CDH13: variants seen among roughly 807,000 people sequenced by gnomAD.
CDH13 encodes cadherin 13.
CDH13 carries 24 observed loss-of-function variants against 63.8 expected under a neutral mutation model. The ratio of observed to expected loss-of-function variants is 0.38; its 90% CI spans 0.27 to 0.53. CDH13 has a LOEUF of 0.53. CDH13 is among the 20% of genes least tolerant of loss of function. The probability of loss-of-function intolerance (pLI) is 0.85; values close to 1 mark genes in which losing one functional copy is unlikely to be tolerated. For synonymous variants in CDH13, 503 were observed against 355.3 expected (o/e 1.42, Z -4.67); for missense variants, 1,049 against 903.1 (o/e 1.16, Z -2.07).
At chr16:83,541,801 A>G (rs2075300079) in intron 7 of CDH13, among the ~76,000 whole-genome samples, 1 of 152,250 alleles carries the variant, frequency 6.6e-6, no homozygotes, top group Admixed American at 6.5e-5. Flanking sequence ...GCTCTACCAC[A>G]TCAGGTTTCT....
intron 11 of CDH13, among the ~76,000 whole-genome samples, chr16:83,765,343 A>AAACCC (rs1205121493): frequency 6.6e-6 from 1 of 152,232 alleles, no homozygotes; most frequent in Non-Finnish European, 1.5e-5. Flanking sequence ...AATGGAAAAA[A>AAACCC]AAACCAAAAA....
intron 4 of CDH13, among the ~76,000 whole-genome samples, chr16:83,177,071 T>C (rs2151738082): frequency 6.6e-6 from 1 of 152,312 alleles, no homozygotes; most frequent in Middle Eastern, 3.4e-3. Context: ...TGACCACATC[T>C]GGCTGCTGAG....
rs145861943 is a variant in CDH13 at position 83,408,433 on chromosome 16, T to C, written c.781+63427T>C. Among the ~76,000 whole-genome samples, 434 of 152,342 alleles carry C rather than the reference T, an allele frequency of 2.8e-3. 3 individuals carry two copies. Among genetic ancestry groups the C allele is most frequent in the African/African-American group, 1.0e-2 (414 of 41,588 alleles). On this transcript the variant is annotated intron_variant, in intron 6 of 13. Coordinates refer to ENST00000567109, the MANE Select transcript of CDH13 (RefSeq NM_001257.5). ...TGCTACATGCCTATCCTGTATGACATTGCCTCTTGCGCCTAGGCTACAAAC... is the reference window on the plus strand; with the variant it reads ...TGCTACATGCCTATCCTGTATGACACTGCCTCTTGCGCCTAGGCTACAAAC...
chr16:83,070,495 A>G (rs1252473412), intron 3 of CDH13, among the ~76,000 whole-genome samples: 6 of 152,180 alleles, frequency 3.9e-5, no homozygotes, highest in African/African-American at 1.4e-4. Flanking sequence ...TGTTTTTATG[A>G]TCTGTAGTTT....
intron 2 of CDH13, among the ~76,000 whole-genome samples, chr16:83,014,828 T>TTTTATATATATA (rs1914583555): frequency 1.1e-5 from 1 of 87,814 alleles, no homozygotes; most frequent in South Asian, 3.2e-4. Flanking sequence ...ATATATATAT[T>TTTTATATATATA]TGTATATATA....
At chr16:83,388,064 G>C (rs1380252239) in intron 6 of CDH13, among the ~76,000 whole-genome samples, 1 of 152,092 alleles carries the variant, frequency 6.6e-6, no homozygotes, top group Non-Finnish European at 1.5e-5. Context: ...TACTCTGACA[G>C]AGACCAAGAA....
intron 2 of CDH13, among the ~76,000 whole-genome samples, chr16:82,998,028 G>C (rs1214131426): frequency 6.6e-6 from 1 of 152,188 alleles, no homozygotes; most frequent in Non-Finnish European, 1.5e-5. Flanking sequence ...GAGAATCTCA[G>C]AGTTGAGCAC....
intron 4 of CDH13, among the ~76,000 whole-genome samples, chr16:83,176,881 C>G (rs1315890407): frequency 6.6e-6 from 1 of 152,104 alleles, no homozygotes; most frequent in Non-Finnish European, 1.5e-5. Context: ...TTACCTTCCT[C>G]TCCCATCAGC....
chr16:82,902,420 G>C (rs1165975071), intron 2 of CDH13, among the ~76,000 whole-genome samples: 1 of 151,698 alleles, frequency 6.6e-6, no homozygotes, highest in Non-Finnish European at 1.5e-5. Context: ...CATTAGTTGA[G>C]GATCATTTTG....
intron 2 of CDH13, among the ~76,000 whole-genome samples, chr16:82,977,879 G>A (rs1909741069): frequency 6.6e-6 from 1 of 152,204 alleles, no homozygotes; most frequent in South Asian, 2.1e-4. Flanking sequence ...TCAGAAGACA[G>A]GAAGATGTGG....
intron 1 of CDH13, among the ~76,000 whole-genome samples, chr16:82,740,722 A>G (rs1158726383): frequency 1.3e-5 from 2 of 152,150 alleles, no homozygotes; most frequent in African/African-American, 4.8e-5. Flanking sequence ...GCATATAGAA[A>G]CACATGATGC....
intron 1 of CDH13, among the ~76,000 whole-genome samples, chr16:82,737,827 G>A (rs760714725): frequency 8.5e-5 from 13 of 152,198 alleles, no homozygotes; most frequent in Non-Finnish European, 1.3e-4. Context: ...ACAAAAAATT[G>A]CTCCGGTTTA....
intron 1 of CDH13, among the ~76,000 whole-genome samples, chr16:82,770,141 C>A (rs1597517278): frequency 6.6e-6 from 1 of 152,198 alleles, no homozygotes; most frequent in African/African-American, 2.4e-5. Context: ...CTGGTAACTG[C>A]CACAGAACCT....
At chr16:83,202,350 G>T (rs1177880071) in intron 4 of CDH13, among the ~76,000 whole-genome samples, 2 of 152,166 alleles carry the variant, frequency 1.3e-5, no homozygotes, top group African/African-American at 4.8e-5. Flanking sequence ...ACAGAGGCAG[G>T]GATATGGCTA....
At chr16:83,400,907 G>C (rs568745214) in intron 6 of CDH13, among the ~76,000 whole-genome samples, 121 of 152,234 alleles carry the variant, frequency 7.9e-4, no homozygotes, top group African/African-American at 2.8e-3. Context: ...ACTAATGATA[G>C]AAATTGCTGG....
intron 1 of CDH13, among the ~76,000 whole-genome samples, chr16:82,672,172 A>C (rs1913328869): frequency 6.6e-6 from 1 of 152,200 alleles, no homozygotes; most frequent in Non-Finnish European, 1.5e-5. Context: ...TATACCTCTT[A>C]AGGCTCAGTG....
chr16:82,915,233 G>T (rs986494859), intron 2 of CDH13, among the ~76,000 whole-genome samples: 3 of 152,142 alleles, frequency 2.0e-5, no homozygotes, highest in Non-Finnish European at 1.5e-5. Flanking sequence ...CAATCAAGGC[G>T]GTCTTAGGAT....
At chr16:83,360,279 C>A (rs943909057) in intron 6 of CDH13, among the ~76,000 whole-genome samples, 4 of 152,162 alleles carry the variant, frequency 2.6e-5, no homozygotes, top group South Asian at 2.1e-4. Context: ...CAATGTACCA[C>A]GTACGGAAAA....
chr16:83,635,369 A>T, intron 8 of CDH13, among the ~76,000 whole-genome samples: 2 of 97,384 alleles, frequency 2.1e-5, no homozygotes, highest in Admixed American at 1.7e-4. Flanking sequence ...TTTGAGACAG[A>T]GTCTCACTCT....
Sources: allele counts gnomAD v4.1 joint callset (sites outside exome capture counted in the v4.1 genomes callset), GRCh38; gene constraint gnomAD v4.1.1; transcripts MANE v1.5; gene names NCBI Gene and HGNC (gene_info 2026-07-23, HGNC 2026-07-21).